TTN: variants seen among roughly 807,000 people sequenced by gnomAD.
The protein encoded by TTN is titin, also known as connectin.
TTN carries 1,525 observed loss-of-function variants against 3,223.0 expected under a neutral mutation model. The ratio of observed to expected loss-of-function variants is 0.47; its 90% CI spans 0.45 to 0.49. TTN has a LOEUF of 0.49. Ranked by LOEUF, TTN falls within the 20% of genes least tolerant of loss-of-function variation. The pLI, the probability that TTN is intolerant of heterozygous loss-of-function variation, is 0.00. For synonymous variants in TTN, 14,094 were observed against 15,161.0 expected (o/e 0.93, Z 5.17); for missense variants, 40,786 against 43,424.0 (o/e 0.94, Z 5.40).
In TTN at chr2:178,614,132, A is replaced by T; in HGVS notation, c.49265T>A (p.Ile16422Asn). 6.2e-7 allele frequency: 1 copy of T among 1,612,440 alleles called. No homozygotes were observed. The highest frequency in any genetic ancestry group is 8.5e-7 in the Non-Finnish European group (1 of 1,179,250). The change falls in exon 262 of 363, where the codon ATC becomes AAC. Residue 16422 changes from isoleucine (I) to asparagine (N), a missense_variant. Coordinates refer to ENST00000589042, the MANE Select transcript of TTN (RefSeq NM_001267550.2). ...CATGTTTTCTGCAGCAACTCTGAAG[A>T]TGTACTCTTTATTGGGGATTAATTT... ...ATKLIPNKEY[I>N]FRVAAENMYG...
rs998111823 is a variant in TTN, at chr2:178,570,557, T to C, written c.75575A>G (p.Glu25192Gly). The part of the protein sequence containing the change: ...YILKAKNVAG[E>G]RSVTVNVKVL... ...CTTGACATTCACAGTAACTGATCTT[T>C]CTCCTGCAACATTTTTGGCCTTCAG... Residue 25192 changes from glutamate to glycine, a missense_variant, in exon 326 of 363, where the codon GAA becomes GGA. Transcript: ENST00000589042. 2.5e-6 allele frequency: 4 copies of C among 1,613,232 alleles called. No homozygotes were observed. The African/African-American group carries it at 5.3e-5, about 22-fold the overall frequency.
chr2:178,665,985 TTAG>T (rs1346378391), intron 163 of TTN, among the ~76,000 whole-genome samples, 194 bp from the exon 164 acceptor site: 1 of 152,116 alleles, frequency 6.6e-6, no homozygotes, highest in African/African-American at 2.4e-5. Context: ...ACTATCAGTA[TTAG>T]TAATTTTATT....
At position 178,607,148 on chromosome 2, in the gene TTN, C is replaced by G. The variant is rs1055155891; in HGVS notation, c.53454G>C (p.Glu17818Asp). The stretch of plus-strand genomic sequence containing the variant: ...GACCTGTGATGTCACATTTAGATCT[C>G]TCAGTCTCTATTGGTTGTCTCCAAG... The part of the protein sequence containing the change: ...MHTWRQPIET[E>D]RSKCDITGLL... The change falls in exon 278 of 363, where the codon GAG (glutamate) becomes GAC (aspartate). Residue 17818 changes from glutamate to aspartate, a missense_variant. Glu to Asp is a conservative substitution (Grantham distance 45). Transcript: ENST00000589042. 1 of 1,612,826 alleles carries G rather than the reference C, an allele frequency of 6.2e-7. No homozygotes were observed. Among genetic ancestry groups the G allele is most frequent in the Non-Finnish European group, 8.5e-7 (1 of 1,179,284 alleles).
At chr2:178,728,085 C>A in intron 67 of TTN, 25 bp downstream of exon 67, 1 of 1,528,704 alleles carries the variant, frequency 6.5e-7, no homozygotes, top group Non-Finnish European at 8.8e-7. Context: ...AAGGAAGAAT[C>A]AAGAAGAGGT....
rs1485138444 is a variant in TTN, at chr2:178,662,397, G to T, written c.36980C>A (p.Ala12327Asp). ...AVTVPEVPQE[A>D]TEKEIPVAPP... Reference sequence around the variant, plus strand: ...AGCCACGGGAATTTCTTTTTCTGTGGCTTCTTGAGGAACTTCTGGCACTTG... The same window carrying T: ...AGCCACGGGAATTTCTTTTTCTGTGTCTTCTTGAGGAACTTCTGGCACTTG... Residue 12327 changes from alanine to aspartate, a missense_variant, in exon 177 of 363, where the codon GCC becomes GAC. Transcript: ENST00000589042. 5 of 1,468,350 alleles carry T rather than the reference G, an allele frequency of 3.4e-6. 1 individual carries two copies. The highest frequency in any genetic ancestry group is 4.5e-6 in the Non-Finnish European group (5 of 1,120,606). 91.0% of individuals were successfully genotyped at this position (1,468,350 alleles called of 1,614,324 possible).
intron 88 of TTN, 136 bp from the exon 89 acceptor site, chr2:178,715,910 A>G (rs1464260040): frequency 1.2e-6 from 1 of 800,308 alleles, no homozygotes; most frequent in African/African-American, 1.7e-5. Context: ...AAGGAAGAAG[A>G]GTTAAATGAA....
intron 202 of TTN, 31 bp from the exon 203 acceptor site, chr2:178,652,378 G>A (rs544606300): frequency 1.1e-5 from 17 of 1,612,084 alleles, no homozygotes; most frequent in Non-Finnish European, 1.4e-5. Context: ...TTACATTTAG[G>A]CATTATGAAG....
chr2:178,614,780 G>A (rs746894696), intron 260 of TTN, 27 bp from the exon 261 acceptor site: 1 of 1,601,104 alleles, frequency 6.2e-7, no homozygotes, highest in Non-Finnish European at 8.5e-7. Flanking sequence ...TATTTATGAT[G>A]TTATCAAGTT....
At chr2:178,615,876 CTG>C (rs1212802836) in intron 257 of TTN, 88 bp from the exon 258 acceptor site, 4 of 1,406,302 alleles carry the variant, frequency 2.8e-6, no homozygotes, top group Non-Finnish European at 3.8e-6. Context: ...GGGATACAAA[CTG>C]CAGTTGTTTT....
rs778693629 is a variant in TTN, at chr2:178,609,505, C to G, written c.51805G>C (p.Ala17269Pro). Reference protein sequence around the residue: ...VKRGDEIALDASISGSPYPTI... With the variant: ...VKRGDEIALDPSISGSPYPTI... The stretch of plus-strand genomic sequence containing the variant: ...GGGTAAGGTGATCCAGAAATACTTG[C>G]ATCAAGTGCTATTTCATCACCTCGT... Residue 17269 changes from alanine to proline, a missense_variant, in exon 273 of 363, where the codon GCA becomes CCA. Transcript: ENST00000589042. The G allele has an allele frequency of 3.1e-6, 5 of 1,612,500 alleles. No individual in the cohort carries two copies. Among genetic ancestry groups the G allele is most frequent in the Non-Finnish European group, 3.4e-6 (4 of 1,179,114 alleles).
intron 147 of TTN, among the ~76,000 whole-genome samples, chr2:178,676,912 T>C (rs2154268041): frequency 6.6e-6 from 1 of 151,808 alleles, no homozygotes; most frequent in African/African-American, 2.4e-5. Context: ...TACTTATTCA[T>C]ATATATTTAA....
intron 20 of TTN, 29 bp from the exon 21 acceptor site, chr2:178,781,292 T>C: frequency 6.2e-7 from 1 of 1,612,846 alleles, no homozygotes; most frequent in Non-Finnish European, 8.5e-7. Context: ...AATTTAAAAA[T>C]CAGTTATCAA....
Position 178,570,144 on chromosome 2 carries a change from A to C in TTN, c.75988T>G (p.Ser25330Ala). Residue 25330 changes from serine (S) to alanine (A), a missense_variant, in exon 326 of 363, where the codon TCT becomes GCT. Coordinates refer to ENST00000589042, the MANE Select transcript of TTN (RefSeq NM_001267550.2). The part of the protein sequence containing the change: ...SMIVVWERPA[S>A]DGGSEILGYV... ...CCAAGAATTTCACTACCACCATCAG[A>C]TGCTGGTCTTTCCCATACAACAATC... The C allele has an allele frequency of 6.2e-7, 1 of 1,613,438 alleles. No individual in the cohort carries two copies. The highest frequency in any genetic ancestry group is 8.5e-7 in the Non-Finnish European group (1 of 1,179,602).
intron 47 of TTN, chr2:178,745,972 A>C (rs1560963166): frequency 1.2e-6 from 2 of 1,611,164 alleles, no homozygotes; most frequent in Non-Finnish European, 1.7e-6. Context: ...CTATCACAGC[A>C]AATATTTCAG....
chr2:178,594,377 A>G lies in TTN; in HGVS notation c.58117T>C (p.Cys19373Arg). The G allele has an allele frequency of 6.3e-7, 1 of 1,599,766 alleles. No homozygotes were observed. Among genetic ancestry groups the G allele is most frequent in the African/African-American group, 1.3e-5 (1 of 74,402 alleles). ...TCCTTGCAAGTAATTGGTTTGGTGC[A>G]AAATGATGGTTTGCCTTGTCCAACA... ...NIVGQGKPSF[C>R]TKPITCKDEL... Residue 19373 changes from cysteine to arginine, a missense_variant, in exon 296 of 363, where the codon TGC becomes CGC. Transcript: ENST00000589042.
Position 178,717,526 on chromosome 2 carries a change from A to G in TTN, c.25348T>C (p.Ser8450Pro), listed in dbSNP as rs752383105. The G allele has an allele frequency of 1.3e-6, 2 of 1,598,986 alleles. No individual in the cohort carries two copies. Among genetic ancestry groups the G allele is most frequent in the Non-Finnish European group, 8.5e-7 (1 of 1,171,600 alleles). Residue 8450 changes from serine (S) to proline (P), a missense_variant, in exon 87 of 363, where the codon TCA (serine) becomes CCA (proline). By Grantham distance (74) the Ser-to-Pro change is moderately conservative. Coordinates refer to ENST00000589042, the MANE Select transcript of TTN (RefSeq NM_001267550.2). ...TASSSAKLIL[S>P]EHEVPPFFDL... is the part of the protein sequence containing the mutation. ...GAGGGTACTGTGAGTTACTCACCTG[A>G]GAGAATGAGCTTGGCACTGGATGAA...
Position 178,532,791 on chromosome 2 carries a change from A to G in TTN, c.103824T>C (p.Leu34608=), listed in dbSNP as rs2154134606. 3 of 1,613,978 alleles carry G rather than the reference A, an allele frequency of 1.9e-6. No homozygotes were observed. Among genetic ancestry groups the G allele is most frequent in the Non-Finnish European group, 2.5e-6 (3 of 1,179,872 alleles). The change falls in exon 358 of 363, where the codon CTT becomes CTC. Residue 34608 remains leucine (L), a synonymous_variant. Coordinates refer to ENST00000589042, the MANE Select transcript of TTN (RefSeq NM_001267550.2). ...SRWEQFYVMP[L]PRITDQYRPK... Reference sequence around the variant, plus strand: ...GTCTGTATTGATCTGTAATGCGTGGAAGAGGCATCACATAGAACTGTTCCC... The same window carrying G: ...GTCTGTATTGATCTGTAATGCGTGGGAGAGGCATCACATAGAACTGTTCCC...
chr2:178,744,885 T>G lies in TTN; in HGVS notation c.11312-2964A>C, dbSNP rs967001461. The G allele has an allele frequency of 7.0e-5, 69 of 985,104 alleles. No individual in the cohort carries two copies. In the Middle Eastern group the frequency reaches 1.5e-3, roughly 22 times the overall value. The allele number at this position is 985,104 out of a possible 1,614,324, so 61.0% of individuals were successfully genotyped here. On this transcript the variant is annotated intron_variant, in intron 47 of 362. Coordinates refer to ENST00000589042, the MANE Select transcript of TTN (RefSeq NM_001267550.2). ...AAGATCTATTTGCTTATTTTGCAAATGTCTAGGTGAACCCTGCCCACAAAG... is the reference window on the plus strand; with the variant it reads ...AAGATCTATTTGCTTATTTTGCAAAGGTCTAGGTGAACCCTGCCCACAAAG...
In TTN at chr2:178,633,014, G is replaced by T. The variant is rs1216345717; in HGVS notation, c.43117C>A (p.His14373Asn). ...TGACAGTTATGAAGGATCAGAATATGCTTCTTTCCATCCTCAATGATTTCA... is the reference window on the plus strand; with the variant it reads ...TGACAGTTATGAAGGATCAGAATATTCTTCTTTCCATCCTCAATGATTTCA... ...DCEIIEDGKK[H>N]ILILHNCQLG... The change falls in exon 234 of 363, where the codon CAT becomes AAT. Residue 14373 changes from histidine to asparagine, a missense_variant. Coordinates refer to ENST00000589042, the MANE Select transcript of TTN (RefSeq NM_001267550.2). The T allele has an allele frequency of 6.2e-7, 1 of 1,612,960 alleles. No homozygotes were observed. The highest frequency in any genetic ancestry group is 8.5e-7 in the Non-Finnish European group (1 of 1,179,382).
Sources: gnomAD v4.1 joint callset for allele counts (sites outside exome capture counted in the v4.1 genomes callset) on GRCh38, gnomAD v4.1.1 for gene constraint, MANE v1.5 for transcripts, NCBI Gene and HGNC (gene_info 2026-07-23, HGNC 2026-07-21) for gene names.